Variants in SCFD2 observed in about 807,000 individuals in gnomAD.
The protein encoded by SCFD2 is sec1 family domain containing 2, also known as sec1 family domain-containing protein 2.
In SCFD2, 54 loss-of-function variants were observed where a neutral mutation model predicts 58.9. The ratio of observed to expected loss-of-function variants is 0.92; its 90% CI spans 0.74 to 1.15. SCFD2 has a LOEUF of 1.15. Ranked by LOEUF, SCFD2 falls within the 50% of genes most tolerant of loss-of-function variation. SCFD2 has a pLI of 0.00. For synonymous variants in SCFD2, 321 were observed against 335.9 expected (o/e 0.96, Z 0.49); for missense variants, 805 against 836.6 (o/e 0.96, Z 0.47).
intron 3 of SCFD2, among the ~76,000 whole-genome samples, chr4:53,291,997 G>C (rs1326785505): frequency 2.0e-5 from 3 of 151,340 alleles, no homozygotes; most frequent in African/African-American, 7.3e-5. Context: ...TTTTAATTTT[G>C]AATTAAATTA....
At chr4:53,299,317 A>C (rs1373816970) in intron 3 of SCFD2, among the ~76,000 whole-genome samples, 1 of 152,254 alleles carries the variant, frequency 6.6e-6, no homozygotes, top group African/African-American at 2.4e-5. Context: ...TCAGTAACTG[A>C]TGTGATCAAC....
chr4:53,185,326 A>T (rs1727704312), intron 4 of SCFD2, among the ~76,000 whole-genome samples: 1 of 152,126 alleles, frequency 6.6e-6, no homozygotes, highest in African/African-American at 2.4e-5. Flanking sequence ...CACCCTTGAA[A>T]ATGCTGCTCT....
chr4:53,329,690 C>A (rs1409097125), intron 2 of SCFD2, among the ~76,000 whole-genome samples: 1 of 152,228 alleles, frequency 6.6e-6, no homozygotes, highest in African/African-American at 2.4e-5. Flanking sequence ...CAGAGCACCT[C>A]TCCTCCTCCA....
At chr4:52,964,512 T>C (rs1034389003) in intron 5 of SCFD2, among the ~76,000 whole-genome samples, 1 of 152,198 alleles carries the variant, frequency 6.6e-6, no homozygotes, top group African/African-American at 2.4e-5. Context: ...TGAAGTAATC[T>C]CCATCCATGT....
chr4:53,336,688 T>C (rs1268759078), intron 2 of SCFD2, among the ~76,000 whole-genome samples: 1 of 152,172 alleles, frequency 6.6e-6, no homozygotes, highest in Non-Finnish European at 1.5e-5. Flanking sequence ...AGTTAACTTC[T>C]TTCTTTTTTA....
intron 4 of SCFD2, among the ~76,000 whole-genome samples, chr4:53,216,020 TC>T (rs1224666878): frequency 6.6e-6 from 1 of 152,202 alleles, no homozygotes; most frequent in African/African-American, 2.4e-5. Context: ...GGATAAGCTT[TC>T]TTGATGTGCT....
chr4:53,325,033 C>G (rs1020363371), intron 2 of SCFD2, among the ~76,000 whole-genome samples: 1 of 152,148 alleles, frequency 6.6e-6, no homozygotes, highest in South Asian at 2.1e-4. Context: ...TGATCCCCAA[C>G]CAACAATCAG....
rs17082202 is a variant in SCFD2, at chr4:52,941,540, C to T, written c.1562-20670G>A. 4.2e-3 allele frequency among the ~76,000 whole-genome samples: 644 copies of T among 152,278 alleles called. 17 individuals carry two copies. Among genetic ancestry groups the T allele is most frequent in the Admixed American group, 0.035 (528 of 15,296 alleles). On this transcript the variant is annotated intron_variant, in intron 5 of 8. Coordinates refer to ENST00000401642, the MANE Select transcript of SCFD2 (RefSeq NM_152540.4). ...AGAAATACAATGTTGAATTATTACC[C>T]CACTGTGTTAAACCTAACTGTCTTC...
chr4:53,132,918 A>C (rs1327182220), intron 5 of SCFD2, among the ~76,000 whole-genome samples: 2 of 152,220 alleles, frequency 1.3e-5, no homozygotes. Context: ...GCAGGTATAC[A>C]TATCCTGAAA....
At chr4:53,183,211 A>G (rs1048997635) in intron 4 of SCFD2, among the ~76,000 whole-genome samples, 8 of 152,220 alleles carry the variant, frequency 5.3e-5, no homozygotes, top group Non-Finnish European at 1.0e-4. Flanking sequence ...ACGTATGTTT[A>G]TATCGGCACT....
Position 52,973,685 on chromosome 4 carries a change from C to G in SCFD2, c.1562-52815G>C, listed in dbSNP as rs1233334383. Among the ~76,000 whole-genome samples the G allele has an allele frequency of 5.3e-5, 8 of 152,204 alleles. No individual in the cohort carries two copies. The South Asian group carries it at 1.4e-3, about 28-fold the overall frequency. Reference sequence around the variant, plus strand: ...CTCATTTTATGAGGCCAGCATCATCCTGATACCAAAGCCTGGCAGAGACAC... The same window carrying G: ...CTCATTTTATGAGGCCAGCATCATCGTGATACCAAAGCCTGGCAGAGACAC... On this transcript the variant is annotated intron_variant, in intron 5 of 8. Coordinates refer to ENST00000401642, the MANE Select transcript of SCFD2 (RefSeq NM_152540.4).
chr4:53,095,151 T>A (rs1724582665), intron 5 of SCFD2, among the ~76,000 whole-genome samples: 1 of 152,182 alleles, frequency 6.6e-6, no homozygotes, highest in Non-Finnish European at 1.5e-5. Flanking sequence ...GTGATATCAT[T>A]GTCTCATGAC....
chr4:53,139,201 T>C (rs1254363343), intron 5 of SCFD2, among the ~76,000 whole-genome samples: 5 of 152,046 alleles, frequency 3.3e-5, no homozygotes. Context: ...AGTGCAGTGG[T>C]GTGATCTCAG....
At chr4:52,891,918 T>C (rs139616091) in intron 7 of SCFD2, among the ~76,000 whole-genome samples, 1 of 152,366 alleles carries the variant, frequency 6.6e-6, no homozygotes, top group African/African-American at 2.4e-5. Flanking sequence ...ACTTGCTCCA[T>C]GACAAGCTGT....
chr4:53,141,196 A>G (rs779017786), intron 5 of SCFD2, among the ~76,000 whole-genome samples: 7 of 152,242 alleles, frequency 4.6e-5, no homozygotes, highest in Admixed American at 6.5e-5. Context: ...AAAACAGCCA[A>G]TGATAATCTA....
intron 5 of SCFD2, among the ~76,000 whole-genome samples, chr4:52,946,322 A>G (rs962770944): frequency 6.6e-6 from 1 of 152,204 alleles, no homozygotes; most frequent in Non-Finnish European, 1.5e-5. Context: ...TCTCATAGGA[A>G]AAGATTCTAA....
chr4:53,238,058 C>G (rs1270912926), intron 4 of SCFD2, among the ~76,000 whole-genome samples: 36 of 130,894 alleles, frequency 2.8e-4, no homozygotes, highest in South Asian at 5.0e-4. Flanking sequence ...GGGGGCTGAC[C>G]CCCCCACCTC....
chr4:53,342,391 G>C (rs1443265031), intron 2 of SCFD2, among the ~76,000 whole-genome samples: 1 of 152,126 alleles, frequency 6.6e-6, no homozygotes, highest in Non-Finnish European at 1.5e-5. Flanking sequence ...AGGGATCAAT[G>C]CAACAAGAAG....
chr4:53,029,489 A>G (rs1279948397), intron 5 of SCFD2, among the ~76,000 whole-genome samples: 3 of 152,222 alleles, frequency 2.0e-5, no homozygotes, highest in African/African-American at 7.2e-5. Flanking sequence ...CCTGTGCCTT[A>G]AACAATTCGA....
Sources: allele counts gnomAD v4.1 joint callset (sites outside exome capture counted in the v4.1 genomes callset), GRCh38; gene constraint gnomAD v4.1.1; transcripts MANE v1.5; gene names NCBI Gene and HGNC (gene_info 2026-07-23, HGNC 2026-07-21).